The following NDC1 variants were observed in gnomAD, a reference collection of about 807,000 sequenced individuals.
NDC1 encodes nucleoporin NDC1.
NDC1 carries 24 observed loss-of-function variants against 89.8 expected under a neutral mutation model. The ratio of observed to expected loss-of-function variants is 0.27; its 90% CI spans 0.19 to 0.38. The LOEUF is 0.38. Ranked by LOEUF, NDC1 falls within the 10% of genes least tolerant of loss-of-function variation. The pLI, the probability that NDC1 is intolerant of heterozygous loss-of-function variation, is 1.00. For missense variants in NDC1, 728 were observed against 797.6 expected, an observed-to-expected ratio of 0.91 and a Z score of 1.05; for synonymous variants, 296 against 284.8, an observed-to-expected ratio of 1.04 and a Z score of -0.39.
chr1:53,804,835 T>C (rs564879602), intron 9 of NDC1, among the ~76,000 whole-genome samples: 3 of 152,168 alleles, frequency 2.0e-5, no homozygotes, highest in South Asian at 2.1e-4. Context: ...CAAACCCCTT[T>C]ACTCATCCTT....
intron 16 of NDC1, among the ~76,000 whole-genome samples, chr1:53,774,370 C>G (rs570276678): frequency 2.0e-5 from 3 of 152,088 alleles, no homozygotes; most frequent in African/African-American, 7.2e-5. Context: ...TCAGAGTTAT[C>G]GTGGCAGATT....
At chr1:53,828,249 A>C in intron 3 of NDC1, 76 bp from the exon 4 acceptor site, 1 of 1,294,070 alleles carries the variant, frequency 7.7e-7, no homozygotes, top group Non-Finnish European at 1.1e-6. Flanking sequence ...ATCCCCTCTC[A>C]TCCTTGCACA....
chr1:53,835,382 T>C lies in NDC1; in HGVS notation c.178+118A>G, dbSNP rs1485734176. 9.5e-5 allele frequency: 64 copies of C among 670,808 alleles called. No individual in the cohort carries two copies. In the Admixed American group the frequency reaches 2.2e-3, roughly 23 times the overall value. 41.6% of individuals were successfully genotyped at this position (670,808 alleles called of 1,614,324 possible). A position where few individuals can be genotyped will look rare whatever the true frequency, so the allele number is the denominator to read the frequency against. On this transcript the variant is annotated intron_variant, in intron 2 of 17. Transcript: ENST00000371429. ...TCTTAAAATTATCTCAAAGTGAATG[T>C]TTTGATGTGTCAATATAACATAGGC...
chr1:53,799,966 G>A (rs2100654907), intron 11 of NDC1, among the ~76,000 whole-genome samples: 1 of 152,268 alleles, frequency 6.6e-6, no homozygotes, highest in East Asian at 1.9e-4. Context: ...CGTCTCAGCT[G>A]CTCTTCTCTG....
At chr1:53,798,137 T>TA (rs1557575694) in intron 11 of NDC1, among the ~76,000 whole-genome samples, 9 of 122,628 alleles carry the variant, frequency 7.3e-5, no homozygotes, top group East Asian at 2.1e-4. Context: ...TCCATCTTCT[T>TA]TTTATTATTA....
intron 10 of NDC1, among the ~76,000 whole-genome samples, chr1:53,803,632 C>T (rs1372635892): frequency 2.6e-5 from 4 of 152,068 alleles, no homozygotes; most frequent in Admixed American, 2.0e-4. Flanking sequence ...AGTGCAGTAG[C>T]GCAATCTCGG....
intron 10 of NDC1, among the ~76,000 whole-genome samples, chr1:53,802,607 A>G (rs1277872706): frequency 6.6e-6 from 1 of 152,214 alleles, no homozygotes; most frequent in Non-Finnish European, 1.5e-5. Flanking sequence ...TGAGCCCAGC[A>G]GTTCGAGGTT....
rs2100664813 is a variant in NDC1, at chr1:53,807,770, G to A, written c.777C>T (p.Asp259=). ...AGAGATTTAAGAGGCCACTCACTGTGTCAAGTGGCCTATGAACCTGCCTGT... is the reference window on the plus strand; with the variant it reads ...AGAGATTTAAGAGGCCACTCACTGTATCAAGTGGCCTATGAACCTGCCTGT... The part of the protein sequence containing the change: ...HIDEQVHRPL[D]TVSGLLNLSL... Residue 259 remains aspartate, a synonymous_variant, in exon 8 of 18, where the codon GAC becomes GAT. Transcript: ENST00000371429. 1 of 1,610,336 alleles carries A rather than the reference G, an allele frequency of 6.2e-7. No homozygotes were observed. The highest frequency in any genetic ancestry group is 8.5e-7 in the Non-Finnish European group (1 of 1,178,922).
At chr1:53,802,790 G>C (rs1647965898) in intron 10 of NDC1, among the ~76,000 whole-genome samples, 1 of 152,206 alleles carries the variant, frequency 6.6e-6, no homozygotes, top group South Asian at 2.1e-4. Flanking sequence ...GTCTTGAACA[G>C]CATGGCAAGA....
intron 17 of NDC1, among the ~76,000 whole-genome samples, chr1:53,769,114 C>T (rs1647090639): frequency 6.6e-6 from 1 of 152,140 alleles, no homozygotes. Context: ...GAGTTTGAGG[C>T]TGCAGTGAAC....
intron 7 of NDC1, among the ~76,000 whole-genome samples, chr1:53,808,648 T>A (rs557343486): frequency 7.9e-5 from 12 of 152,188 alleles, no homozygotes; most frequent in Admixed American, 2.0e-4. Context: ...CTCAGCCATA[T>A]ACACAAAACA....
intron 17 of NDC1, among the ~76,000 whole-genome samples, chr1:53,769,664 G>C (rs570296451): frequency 1.3e-4 from 20 of 152,162 alleles, no homozygotes; most frequent in Non-Finnish European, 2.9e-4. Context: ...GTAGAGCTTT[G>C]AATAGTGAAT....
At chr1:53,802,324 T>G (rs1647949602) in intron 10 of NDC1, among the ~76,000 whole-genome samples, 1 of 152,068 alleles carries the variant, frequency 6.6e-6, no homozygotes, top group South Asian at 2.1e-4. Flanking sequence ...TGGTATTTTA[T>G]CTGGTAATTG....
intron 6 of NDC1, among the ~76,000 whole-genome samples, chr1:53,813,634 A>T (rs1247365772): frequency 6.6e-6 from 1 of 152,128 alleles, no homozygotes; most frequent in Non-Finnish European, 1.5e-5. Flanking sequence ...TTATAAAACA[A>T]TTACTAACAG....
Position 53,793,197 on chromosome 1 carries a change from C to T in NDC1, c.1635+32G>A, listed in dbSNP as rs201576342. 43 of 1,534,488 alleles carry T rather than the reference C, an allele frequency of 2.8e-5. No individual in the cohort carries two copies. In the East Asian group the frequency reaches 8.3e-4, roughly 30 times the overall value. ...ATTTCATATTTCATTTCCTCCCTCC[C>T]CATTCCCAACGCTATAACCACATAT... On this transcript the variant is annotated intron_variant, in intron 14 of 17. Coordinates refer to ENST00000371429, the MANE Select transcript of NDC1 (RefSeq NM_018087.5).
intron 14 of NDC1, among the ~76,000 whole-genome samples, chr1:53,792,756 G>C (rs895809467): frequency 4.6e-5 from 7 of 152,206 alleles, no homozygotes; most frequent in African/African-American, 1.7e-4. Flanking sequence ...GTGGCAGCTG[G>C]AACAGCTGAT....
chr1:53,797,686 G>A (rs1647766649), intron 11 of NDC1, among the ~76,000 whole-genome samples: 1 of 152,080 alleles, frequency 6.6e-6, no homozygotes, highest in Non-Finnish European at 1.5e-5. Flanking sequence ...TTGGAGTGCA[G>A]TGGTGTAATC....
intron 14 of NDC1, among the ~76,000 whole-genome samples, chr1:53,790,072 C>T (rs1252246342): frequency 1.3e-5 from 2 of 151,624 alleles, no homozygotes; most frequent in South Asian, 2.1e-4. Flanking sequence ...CAGTGCATTC[C>T]AGCCTGGGAT....
chr1:53,806,546 A>T (rs763525884), intron 8 of NDC1, 29 bp from the exon 9 acceptor site: 127 of 1,355,962 alleles, frequency 9.4e-5, no homozygotes, highest in Non-Finnish European at 1.2e-4. Flanking sequence ...ACCAAAAATG[A>T]TTATTTTCAT....
Sources: gnomAD v4.1 joint callset for allele counts (sites outside exome capture counted in the v4.1 genomes callset) on GRCh38, gnomAD v4.1.1 for gene constraint, MANE v1.5 for transcripts, NCBI Gene and HGNC (gene_info 2026-07-23, HGNC 2026-07-21) for gene names.